Variants in LPAR3 observed in about 807,000 individuals in gnomAD.
The protein encoded by LPAR3 is LPA receptor 3.
LPAR3 carries 7 observed loss-of-function variants against 17.8 expected under a neutral mutation model. The observed-to-expected ratio is 0.39, with a 90% CI of 0.22 to 0.74. The LOEUF is 0.74. Among genes scored for constraint, LPAR3 ranks in the 30% least tolerant of loss-of-function variants. The probability of loss-of-function intolerance (pLI) is 0.40; values close to 1 mark genes in which losing one functional copy is unlikely to be tolerated. For missense variants in LPAR3, 391 were observed against 453.4 expected (o/e 0.86, Z 1.25); for synonymous variants, 179 against 179.9 (o/e 0.99, Z 0.04).
intron 2 of LPAR3, among the ~76,000 whole-genome samples, chr1:84,821,601 A>T (rs1659055828): frequency 1.3e-5 from 2 of 152,166 alleles, no homozygotes; most frequent in South Asian, 4.1e-4. Context: ...GGAAGGTGTG[A>T]TCTAGGCATC....
Position 84,813,668 on chromosome 1 carries a change from G to C in LPAR3, c.*178C>G. On this transcript the variant is annotated 3_prime_UTR_variant, in exon 3 of 3. Coordinates refer to ENST00000370611, the MANE Select transcript of LPAR3 (RefSeq NM_012152.3). Reference sequence around the variant, plus strand: ...TTCTGTGCTTTCTCTAAATGCAGCAGGTCCTCTCTTTACTGCCCATGCTTT... The same window carrying C: ...TTCTGTGCTTTCTCTAAATGCAGCACGTCCTCTCTTTACTGCCCATGCTTT... The C allele has an allele frequency of 1.7e-6, 1 of 580,588 alleles. No individual in the cohort carries two copies. Among genetic ancestry groups the C allele is most frequent in the Admixed American group, 3.0e-5 (1 of 33,480 alleles). The allele number at this position is 580,588 out of a possible 1,614,324, so 36.0% of individuals were successfully genotyped here. A position where few individuals can be genotyped will look rare whatever the true frequency, so the allele number is the denominator to read the frequency against.
intron 2 of LPAR3, among the ~76,000 whole-genome samples, chr1:84,864,799 GA>G (rs1349226765): frequency 6.7e-6 from 1 of 149,968 alleles, no homozygotes; most frequent in Non-Finnish European, 1.5e-5. Context: ...AAAGAAAAAA[GA>G]AAAAAAAATG....
chr1:84,824,854 G>A (rs773661435), intron 2 of LPAR3, among the ~76,000 whole-genome samples: 1 of 152,198 alleles, frequency 6.6e-6, no homozygotes, highest in Non-Finnish European at 1.5e-5. Flanking sequence ...CCATCTGGCT[G>A]TCCTGCTAGA....
intron 2 of LPAR3, among the ~76,000 whole-genome samples, chr1:84,842,739 A>T (rs1659527355): frequency 6.6e-6 from 1 of 152,226 alleles, no homozygotes; most frequent in Admixed American, 6.5e-5. Context: ...AGTAGAAGAT[A>T]ATCATAACAG....
intron 2 of LPAR3, among the ~76,000 whole-genome samples, chr1:84,864,959 C>T (rs1660010354): frequency 6.6e-6 from 1 of 152,014 alleles, no homozygotes; most frequent in South Asian, 2.1e-4. Flanking sequence ...GGCTCCTGTG[C>T]TTACCGCTTC....
chr1:84,845,816 G>A (rs1249023301), intron 2 of LPAR3, among the ~76,000 whole-genome samples: 1 of 152,068 alleles, frequency 6.6e-6, no homozygotes, highest in Non-Finnish European at 1.5e-5. Context: ...AAAAAAGTAG[G>A]GGCAAGTGAA....
rs143047015 is a variant in LPAR3, at chr1:84,843,733, A to G, written c.736+21652T>C. 2.6e-5 allele frequency among the ~76,000 whole-genome samples: 4 copies of G among 152,364 alleles called. No individual in the cohort carries two copies. The East Asian group carries it at 7.7e-4, about 29-fold the overall frequency. On this transcript the variant is annotated intron_variant, in intron 2 of 2. Transcript: ENST00000370611. Reference sequence around the variant, plus strand: ...GCCCAAACATGGCATTCTATAAAGAAAGTAAGTAGCCCAATTATCCTCTCC... The same window carrying G: ...GCCCAAACATGGCATTCTATAAAGAGAGTAAGTAGCCCAATTATCCTCTCC...
chr1:84,843,145 G>C (rs944177167), intron 2 of LPAR3, among the ~76,000 whole-genome samples: 8 of 152,294 alleles, frequency 5.3e-5, no homozygotes, highest in African/African-American at 1.9e-4. Flanking sequence ...CGCCTGTGGA[G>C]GGTCTGGCCT....
chr1:84,848,888 T>C (rs1173795273), intron 2 of LPAR3, among the ~76,000 whole-genome samples: 3 of 152,182 alleles, frequency 2.0e-5, no homozygotes, highest in Non-Finnish European at 4.4e-5. Flanking sequence ...CTCTGCTACA[T>C]GTTTTGCAAC....
intron 2 of LPAR3, among the ~76,000 whole-genome samples, chr1:84,828,530 G>C (rs528472429): frequency 6.6e-6 from 1 of 152,220 alleles, no homozygotes; most frequent in South Asian, 2.1e-4. Flanking sequence ...ATGTTAGTAA[G>C]AGCACAGTGC....
chr1:84,890,825 G>A (rs986726599), intron 1 of LPAR3, among the ~76,000 whole-genome samples: 10 of 152,184 alleles, frequency 6.6e-5, no homozygotes, highest in African/African-American at 2.2e-4. Context: ...AAGTTATCAC[G>A]CACTGCTGCT....
Position 84,811,934 on chromosome 1 carries a change from A to T in LPAR3, c.*1912T>A, listed in dbSNP as rs2102740922. ...CGTTGGTAGCCTGTGTGTATGAAAC[A>T]TCATTTTTTCTTTCTTAACTACTTG... On this transcript the variant is annotated 3_prime_UTR_variant, in exon 3 of 3. Coordinates refer to ENST00000370611, the MANE Select transcript of LPAR3 (RefSeq NM_012152.3). 6.6e-6 allele frequency: 1 copy of T among 152,234 alleles called. No individual in the cohort carries two copies. Among genetic ancestry groups the T allele is most frequent in the East Asian group, 1.9e-4 (1 of 5,206 alleles). 9.4% of individuals were successfully genotyped at this position (152,234 alleles called of 1,614,324 possible). A position where few individuals can be genotyped will look rare whatever the true frequency, so the allele number is the denominator to read the frequency against.
intron 2 of LPAR3, among the ~76,000 whole-genome samples, chr1:84,815,935 T>C (rs1357401792): frequency 6.6e-6 from 1 of 152,232 alleles, no homozygotes; most frequent in Non-Finnish European, 1.5e-5. Flanking sequence ...CTGGCTGATA[T>C]ATGTGAATAA....
rs1344884831 is a variant in LPAR3, at chr1:84,811,708, C to T, written c.*2138G>A. ...ATCTACACTTTCAAATCATAATATT[C>T]TCTATTTTAGGCTATTATATTTAGA... On this transcript the variant is annotated 3_prime_UTR_variant, in exon 3 of 3. Coordinates refer to ENST00000370611, the MANE Select transcript of LPAR3 (RefSeq NM_012152.3). The T allele has an allele frequency of 1.3e-5, 2 of 152,168 alleles. No homozygotes were observed. The highest frequency in any genetic ancestry group is 3.8e-4 in the East Asian group (2 of 5,204). 9.4% of individuals were successfully genotyped at this position (152,168 alleles called of 1,614,324 possible). A position where few individuals can be genotyped will look rare whatever the true frequency, so the allele number is the denominator to read the frequency against.
At chr1:84,828,945 T>A (rs1241419826) in intron 2 of LPAR3, among the ~76,000 whole-genome samples, 2 of 152,092 alleles carry the variant, frequency 1.3e-5, no homozygotes, top group East Asian at 3.9e-4. Flanking sequence ...CCAACGTTAG[T>A]GCTAATACTC....
intron 2 of LPAR3, among the ~76,000 whole-genome samples, chr1:84,863,093 T>G (rs1283379933): frequency 6.6e-6 from 1 of 152,016 alleles, no homozygotes; most frequent in Admixed American, 6.5e-5. Context: ...TTTTGTTTCT[T>G]AAGACAGGCT....
chr1:84,814,206 G>C (rs750419986), intron 2 of LPAR3, 35 bp from the exon 3 acceptor site: 1 of 1,538,854 alleles, frequency 6.5e-7, no homozygotes, highest in South Asian at 1.1e-5. Flanking sequence ...CAGATGCTCA[G>C]ACCTTAGGGG....
rs767838020 is a variant in LPAR3, at chr1:84,865,631, T to C, written c.490A>G (p.Thr164Ala). Residue 164 changes from threonine (T) to alanine (A), a missense_variant, in exon 2 of 3, where the codon ACA becomes GCA. Transcript: ENST00000370611. ...TTGCAGAGGCAATTCCAGCCCAGTG[T>C]GGGGACCGCCCCCATAAAAATGGCG... ...AIAIFMGAVP[T>A]LGWNCLCNIS... The C allele has an allele frequency of 2.0e-5, 33 of 1,614,014 alleles. No individual in the cohort carries two copies. Among genetic ancestry groups the C allele is most frequent in the South Asian group, 1.6e-4 (15 of 91,082 alleles).
rs371344898 is a variant in LPAR3 at position 84,866,007 on chromosome 1, C to T, written c.114G>A (p.Thr38=). 8.7e-6 allele frequency: 14 copies of T among 1,613,970 alleles called. No individual in the cohort carries two copies. In the Admixed American group the frequency reaches 1.0e-4, roughly 12 times the overall value. ...AAAAAAAAATAAACAGGCAGAAAAA[C>T]GTCCCAACACACAAAACAATCACAA... ...TKLVIVLCVG[T]FFCLFIFFSN... is the part of the protein sequence containing the mutation. Residue 38 remains threonine, a synonymous_variant, in exon 2 of 3, where the codon ACG becomes ACA. Coordinates refer to ENST00000370611, the MANE Select transcript of LPAR3 (RefSeq NM_012152.3).
Sources: allele counts gnomAD v4.1 joint callset (sites outside exome capture counted in the v4.1 genomes callset), GRCh38; gene constraint gnomAD v4.1.1; transcripts MANE v1.5; gene names NCBI Gene and HGNC (gene_info 2026-07-23, HGNC 2026-07-21).